BMP6: variants seen among roughly 807,000 people sequenced by gnomAD.
BMP6 encodes the protein bone morphogenetic protein 6, also known as VG-1-R.
A neutral mutation model predicts 54.1 loss-of-function variants in BMP6; 17 were observed. The ratio of observed to expected loss-of-function variants is 0.31; its 90% confidence interval spans 0.22 to 0.47. BMP6 has a LOEUF of 0.47. BMP6 is among the 20% of genes least tolerant of loss of function. BMP6 has a pLI of 1.00. For missense variants in BMP6, 720 were observed against 690.4 expected (o/e 1.04, Z -0.48); for synonymous variants, 328 against 291.2 (o/e 1.13, Z -1.28).
At chr6:7,842,874 G>T (rs1280876641) in intron 1 of BMP6, among the ~76,000 whole-genome samples, 3 of 152,202 alleles carry the variant, frequency 2.0e-5, no homozygotes, top group Admixed American at 1.3e-4. Flanking sequence ...CTTCTTTGAA[G>T]AATTCTTACA....
intron 1 of BMP6, among the ~76,000 whole-genome samples, chr6:7,802,231 A>G (rs1488004026): frequency 6.6e-6 from 1 of 152,246 alleles, no homozygotes; most frequent in African/African-American, 2.4e-5. Context: ...TGGATTTAAG[A>G]GAAGAGTATG....
At chr6:7,863,601 CTG>C (rs1166185987) in intron 4 of BMP6, among the ~76,000 whole-genome samples, 1 of 152,166 alleles carries the variant, frequency 6.6e-6, no homozygotes, top group Non-Finnish European at 1.5e-5. Flanking sequence ...CAGACCTGAA[CTG>C]TGTGCTCACC....
At chr6:7,790,472 C>T (rs1007451202) in intron 1 of BMP6, among the ~76,000 whole-genome samples, 2 of 132,940 alleles carry the variant, frequency 1.5e-5, no homozygotes, top group Non-Finnish European at 3.1e-5. Flanking sequence ...GAGCTGAGAT[C>T]GCACTGCACT....
At chr6:7,802,224 A>C (rs1329776746) in intron 1 of BMP6, among the ~76,000 whole-genome samples, 1 of 152,230 alleles carries the variant, frequency 6.6e-6, no homozygotes, top group South Asian at 2.1e-4. Flanking sequence ...GATATTTTGG[A>C]TTTAAGAGAA....
intron 1 of BMP6, among the ~76,000 whole-genome samples, chr6:7,776,048 T>G (rs1266369548): frequency 6.6e-6 from 1 of 152,258 alleles, no homozygotes; most frequent in Admixed American, 6.5e-5. Context: ...TGTGCTTTTC[T>G]TTAATTAAAA....
intron 3 of BMP6, 48 bp from the exon 4 acceptor site, chr6:7,862,253 A>G: frequency 1.3e-6 from 2 of 1,597,424 alleles, no homozygotes; most frequent in Non-Finnish European, 1.7e-6. Context: ...AGCTACAGGA[A>G]CAAGTTTCTG....
intron 1 of BMP6, among the ~76,000 whole-genome samples, chr6:7,817,304 C>T (rs1359168464): frequency 6.6e-6 from 1 of 151,948 alleles, no homozygotes; most frequent in Non-Finnish European, 1.5e-5. Flanking sequence ...GGAGGTGGTG[C>T]AGGATGCTCA....
chr6:7,771,762 G>T (rs1581240892), intron 1 of BMP6, among the ~76,000 whole-genome samples: 1 of 152,152 alleles, frequency 6.6e-6, no homozygotes, highest in African/African-American at 2.4e-5. Context: ...TTCCTTAGAA[G>T]TCCTTTTAGG....
chr6:7,872,721 C>T (rs1040209742), intron 4 of BMP6, among the ~76,000 whole-genome samples: 1 of 152,204 alleles, frequency 6.6e-6, no homozygotes, highest in Non-Finnish European at 1.5e-5. Context: ...AACTGGAAAT[C>T]CAGACATGAA....
At chr6:7,830,241 T>A (rs952734064) in intron 1 of BMP6, among the ~76,000 whole-genome samples, 1 of 152,176 alleles carries the variant, frequency 6.6e-6, no homozygotes, top group African/African-American at 2.4e-5. Context: ...CTTTTTTCTT[T>A]TGACTCTCAT....
At chr6:7,751,820 T>C (rs144079542) in intron 1 of BMP6, among the ~76,000 whole-genome samples, 22 of 152,390 alleles carry the variant, frequency 1.4e-4, no homozygotes, top group Non-Finnish European at 2.6e-4. Context: ...CAAGTGAGAC[T>C]GTTTTTCAAG....
At position 7,755,014 on chromosome 6, in the gene BMP6, G is replaced by A. The variant is rs138150270; in HGVS notation, c.664+27395G>A. 2.5e-3 allele frequency among the ~76,000 whole-genome samples: 386 copies of A among 152,226 alleles called. 1 individual carries two copies. Among genetic ancestry groups the A allele is most frequent in the African/African-American group, 8.9e-3 (369 of 41,536 alleles). ...ATTACAGGCGTGAGCCACCGCGCCCGGACTAATTTTCTAACCTTTTTAACT... is the reference window on the plus strand; with the variant it reads ...ATTACAGGCGTGAGCCACCGCGCCCAGACTAATTTTCTAACCTTTTTAACT... On this transcript the variant is annotated intron_variant, in intron 1 of 6. Transcript: ENST00000283147.
At chr6:7,803,674 T>A (rs1758305278) in intron 1 of BMP6, among the ~76,000 whole-genome samples, 1 of 152,180 alleles carries the variant, frequency 6.6e-6, no homozygotes, top group Non-Finnish European at 1.5e-5. Context: ...CCAGATGTGA[T>A]CGCCCTTCTC....
chr6:7,849,980 C>T (rs188953601), intron 2 of BMP6, among the ~76,000 whole-genome samples: 53 of 152,322 alleles, frequency 3.5e-4, no homozygotes, highest in African/African-American at 1.2e-3. Flanking sequence ...TCCCAGGTTA[C>T]TCCTCTGTTT....
chr6:7,778,029 A>T (rs926463739), intron 1 of BMP6, among the ~76,000 whole-genome samples: 1 of 152,220 alleles, frequency 6.6e-6, no homozygotes, highest in African/African-American at 2.4e-5. Flanking sequence ...AAGTCTGGTT[A>T]CATACTCCCA....
At chr6:7,813,756 T>C (rs2113214934) in intron 1 of BMP6, among the ~76,000 whole-genome samples, 1 of 152,090 alleles carries the variant, frequency 6.6e-6, no homozygotes, top group Non-Finnish European at 1.5e-5. Flanking sequence ...AATTTATCTT[T>C]ATAATTCCCT....
At position 7,867,786 on chromosome 6, in the gene BMP6, CA is replaced by C. The variant is rs758686662; in HGVS notation, c.1204+5296del. Among the ~76,000 whole-genome samples, 9 of 151,746 alleles carry C rather than the reference CA, an allele frequency of 5.9e-5. 1 individual carries two copies. Among genetic ancestry groups the C allele is most frequent in the African/African-American group, 1.9e-4 (8 of 41,392 alleles). Reference sequence around the variant, plus strand: ...ATAGTGATCTAAAAGTTAGAATCACCAAAAAAAAGTTAGAATCAAAAGCTTC... The same window carrying C: ...ATAGTGATCTAAAAGTTAGAATCACCAAAAAAAGTTAGAATCAAAAGCTTC... On this transcript the variant is annotated intron_variant, in intron 4 of 6. Coordinates refer to ENST00000283147, the MANE Select transcript of BMP6 (RefSeq NM_001718.6).
At chr6:7,861,385 C>A in intron 2 of BMP6, 66 bp from the exon 3 acceptor site, 1 of 1,577,698 alleles carries the variant, frequency 6.3e-7, no homozygotes. Context: ...GACGCTGAGA[C>A]AGGAAAGAGT....
At chr6:7,829,298 C>T (rs1758751975) in intron 1 of BMP6, among the ~76,000 whole-genome samples, 1 of 152,110 alleles carries the variant, frequency 6.6e-6, no homozygotes, top group African/African-American at 2.4e-5. Context: ...TTCCTTCCTT[C>T]CCTACCTCCC....
Sources: gnomAD v4.1 joint callset for allele counts (sites outside exome capture counted in the v4.1 genomes callset) on GRCh38, gnomAD v4.1.1 for gene constraint, MANE v1.5 for transcripts, NCBI Gene and HGNC (gene_info 2026-07-23, HGNC 2026-07-21) for gene names.